The following POLR1C variants were observed in gnomAD, a reference collection of about 807,000 sequenced individuals.
POLR1C encodes DNA-directed RNA polymerases I and III subunit RPAC1.
POLR1C carries 42 observed loss-of-function variants against 38.3 expected under a neutral mutation model. That is an observed-to-expected ratio of 1.10 (90% confidence interval 0.86 to 1.42). The LOEUF (loss-of-function observed/expected upper bound fraction) is 1.42. Ranked by LOEUF, POLR1C falls within the 40% of genes most tolerant of loss-of-function variation. The pLI, the probability that POLR1C is intolerant of heterozygous loss-of-function variation, is 0.00. For synonymous variants in POLR1C, 163 were observed against 163.9 expected (o/e 0.99, Z 0.04); for missense variants, 507 against 450.5 (o/e 1.13, Z -1.14).
chr6:43,556,012 T>A (rs1302375629), intron 10 of POLR1C: 2 of 1,606,802 alleles, frequency 1.2e-6, no homozygotes, highest in Non-Finnish European at 1.7e-6. Flanking sequence ...ATAACTGGTA[T>A]AAAATAAGTA....
At chr6:43,530,918 A>G, downstream of POLR1C, 1 of 1,446,364 alleles carries the variant, frequency 6.9e-7, no homozygotes, top group Non-Finnish European at 9.2e-7. Context: ...GCCTACAATA[A>G]GGTTTTTCAG....
chr6:43,540,157 A>G (rs1794612397), intron 9 of POLR1C, among the ~76,000 whole-genome samples: 1 of 152,166 alleles, frequency 6.6e-6, no homozygotes, highest in Non-Finnish European at 1.5e-5. Context: ...TGAGAGGCCA[A>G]GGAGGGGGGA....
rs148979835 is a variant in POLR1C, at chr6:43,520,370, G to A, written c.598G>A (p.Ala200Thr). 1.9e-4 allele frequency: 304 copies of A among 1,613,652 alleles called. No individual in the cohort carries two copies. The highest frequency in any genetic ancestry group is 4.9e-4 in the Middle Eastern group (3 of 6,074). The change falls in exon 6 of 9, where the codon GCT becomes ACT. Residue 200 changes from alanine (A) to threonine (T), a missense_variant. By Grantham distance (58) the Ala-to-Thr change is moderately conservative (BLOSUM62 0). Transcript: ENST00000642195. ...ACCAGTGCATGATGATATCCTCATC[G>A]CTCAGCTGCGGCCTGGCCAAGAAAT... ...IRPVHDDILIAQLRPGQEIDL... is the reference protein window; with the variant it reads ...IRPVHDDILITQLRPGQEIDL...
At chr6:43,519,860 A>G in intron 4 of POLR1C, 22 bp downstream of exon 4, 1 of 1,610,258 alleles carries the variant, frequency 6.2e-7, no homozygotes, top group Non-Finnish European at 8.5e-7. Flanking sequence ...AAATTTTGGG[A>G]GAAGTGGACT....
Position 43,520,614 on chromosome 6 carries a change from T to TC in POLR1C, c.656-11_656-10insC. 6.2e-7 allele frequency: 1 copy of TC among 1,614,068 alleles called. No homozygotes were observed. Among genetic ancestry groups the TC allele is most frequent in the East Asian group, 2.2e-5 (1 of 44,892 alleles). On this transcript the variant is annotated splice_polypyrimidine_tract_variant and intron_variant, in intron 6 of 8. Transcript: ENST00000642195. ...GGGTTTCCTATAGGCACGTTCCCTC[T>TC]TCCTCTCCAGGCAAAGATCATGCCA...
chr6:43,517,406 G>T (rs770228725), intron 2 of POLR1C, 29 bp downstream of exon 2: 2 of 1,591,560 alleles, frequency 1.3e-6, no homozygotes, highest in East Asian at 4.5e-5. Flanking sequence ...GTCTGGGGAG[G>T]GTTATGAAGG....
intron 3 of POLR1C, 82 bp from the exon 4 acceptor site, chr6:43,519,624 T>C: frequency 6.4e-7 from 1 of 1,562,516 alleles, no homozygotes; most frequent in Non-Finnish European, 8.8e-7. Context: ...GATAGCTCCC[T>C]ACCTCTGGAG....
chr6:43,558,601 G>C (rs1469278773), intron 10 of POLR1C: 1 of 1,570,560 alleles, frequency 6.4e-7, no homozygotes, highest in Non-Finnish European at 8.6e-7. Flanking sequence ...TCTGGAAAAA[G>C]AAAGGTAATT....
intron 9 of POLR1C, chr6:43,538,691 C>G (rs1386033729): frequency 4.8e-6 from 2 of 420,876 alleles, no homozygotes; most frequent in Non-Finnish European, 8.3e-6. Flanking sequence ...TATAATTTTC[C>G]TCTTTGGTAC....
intron 10 of POLR1C, chr6:43,555,779 T>C: frequency 1.2e-6 from 2 of 1,605,090 alleles, no homozygotes; most frequent in Non-Finnish European, 1.7e-6. Flanking sequence ...ATTTCCTATA[T>C]ATAGTTTTGA....
intron 9 of POLR1C, chr6:43,539,671 A>T: frequency 9.8e-7 from 1 of 1,025,520 alleles, no homozygotes; most frequent in Non-Finnish European, 1.4e-6. Flanking sequence ...CAGGGCCTCC[A>T]GGCCCCCCCA....
chr6:43,553,901 G>A (rs1449180486), intron 10 of POLR1C, among the ~76,000 whole-genome samples: 1 of 152,042 alleles, frequency 6.6e-6, no homozygotes, highest in East Asian at 1.9e-4. Flanking sequence ...TTTTCCATGA[G>A]AATCTAAATA....
chr6:43,548,591 G>T (rs1795077002), intron 9 of POLR1C: 1 of 776,980 alleles, frequency 1.3e-6, no homozygotes, highest in Non-Finnish European at 1.9e-6. Context: ...TTATTATTTG[G>T]TAATTCTGTT....
At chr6:43,539,529 C>G in intron 9 of POLR1C, 1 of 1,512,066 alleles carries the variant, frequency 6.6e-7, no homozygotes, top group Admixed American at 1.7e-5. Flanking sequence ...GGCATCCACT[C>G]CTTATCTTTG....
chr6:43,562,012 T>C (rs770137343), exon 11 of POLR1C: 30 of 367,684 alleles, frequency 8.2e-5, no homozygotes, highest in Non-Finnish European at 1.2e-4. Context: ...CTTTATGGAA[T>C]AATAGACGTG....
At chr6:43,528,816 C>CT in intron 8 of POLR1C, 1 of 1,612,538 alleles carries the variant, frequency 6.2e-7, no homozygotes, top group Non-Finnish European at 8.5e-7. Flanking sequence ...CTGTTCCTGA[C>CT]TTATCTCTTA....
downstream of POLR1C, chr6:43,525,197 T>C (rs751250425): frequency 1.3e-6 from 2 of 1,578,834 alleles, no homozygotes; most frequent in South Asian, 1.2e-5. Context: ...CTGTAATTAA[T>C]AGCGCTGTAC....
intron 10 of POLR1C, chr6:43,560,160 T>A: frequency 6.2e-7 from 1 of 1,610,668 alleles, no homozygotes; most frequent in East Asian, 2.2e-5. Context: ...TCCACATGTT[T>A]AGATTCCCAT....
chr6:43,551,788 C>G (rs1795241562), intron 10 of POLR1C, among the ~76,000 whole-genome samples: 1 of 152,156 alleles, frequency 6.6e-6, no homozygotes, highest in South Asian at 2.1e-4. Context: ...GCCTCAGCCT[C>G]CCAAGTAGGT....
Sources: allele counts gnomAD v4.1 joint callset (sites outside exome capture counted in the v4.1 genomes callset), GRCh38; gene constraint gnomAD v4.1.1; transcripts MANE v1.5; gene names NCBI Gene and HGNC (gene_info 2026-07-23, HGNC 2026-07-21).